Variants in HYCC1 observed in about 807,000 individuals in gnomAD.
The protein encoded by HYCC1 is hyccin.
At chr7:22,969,513 T>C in the HYCC1 span, among the ~76,000 whole-genome samples, 3 of 123,004 alleles carry the variant, frequency 2.4e-5, no homozygotes, top group Non-Finnish European at 5.1e-5. Context: ...AAAATTTGGG[T>C]GTTTTTTTTT....
the HYCC1 span, among the ~76,000 whole-genome samples, chr7:23,006,938 TTAACA>T: frequency 6.6e-6 from 1 of 152,224 alleles, no homozygotes; most frequent in East Asian, 1.9e-4. Flanking sequence ...TGTGGTACAC[TTAACA>T]TAACATTCTT....
the HYCC1 span, among the ~76,000 whole-genome samples, chr7:22,991,457 T>C: frequency 6.6e-6 from 1 of 152,088 alleles, no homozygotes; most frequent in African/African-American, 2.4e-5. Context: ...TCATTTATCT[T>C]AAAAGAAAGC....
chr7:22,993,369 T>C, the HYCC1 span, among the ~76,000 whole-genome samples: 1 of 152,096 alleles, frequency 6.6e-6, no homozygotes. Flanking sequence ...ACAAAAGCAC[T>C]AATCACAAGG....
chr7:22,907,104 CAAAAAAA>C, the HYCC1 span, among the ~76,000 whole-genome samples: 425 of 43,536 alleles, frequency 9.8e-3, 1 homozygote, highest in Admixed American at 0.018. Context: ...GACTCTATCT[CAAAAAAA>C]AAAAAAAAAA....
At chr7:22,956,111 C>T in the HYCC1 span, among the ~76,000 whole-genome samples, 62,432 of 151,220 alleles carry the variant, frequency 0.41, 12,869 homozygotes, top group East Asian at 0.5. Context: ...CTTTTTAAAG[C>T]TTATTTTATT....
the HYCC1 span, among the ~76,000 whole-genome samples, chr7:22,996,438 G>A: frequency 6.6e-6 from 1 of 151,520 alleles, no homozygotes; most frequent in East Asian, 1.9e-4. Flanking sequence ...GATTCAGGAG[G>A]TACATGTGCA....
chr7:22,925,519 G>T, the HYCC1 span, among the ~76,000 whole-genome samples: 34 of 152,308 alleles, frequency 2.2e-4, no homozygotes, highest in African/African-American at 7.9e-4. Context: ...CACGGCACGA[G>T]AACTACGTGA....
At chr7:22,968,322 A>G in the HYCC1 span, among the ~76,000 whole-genome samples, 1 of 152,094 alleles carries the variant, frequency 6.6e-6, no homozygotes, top group Non-Finnish European at 1.5e-5. Flanking sequence ...CTTTCTCCCC[A>G]CTTGCAGGAT....
At chr7:22,954,715 C>T in the HYCC1 span, among the ~76,000 whole-genome samples, 31 of 151,028 alleles carry the variant, frequency 2.1e-4, no homozygotes, top group Admixed American at 1.4e-3. Flanking sequence ...TATTTTGCAT[C>T]ATTAAGTTAG....
At chr7:22,982,803 T>C in the HYCC1 span, among the ~76,000 whole-genome samples, 2 of 151,730 alleles carry the variant, frequency 1.3e-5, no homozygotes, top group African/African-American at 4.8e-5. Flanking sequence ...CTGCTTAAGA[T>C]GGAATTTGAG....
chr7:22,896,195 G>A, the HYCC1 span, among the ~76,000 whole-genome samples: 1 of 152,166 alleles, frequency 6.6e-6, no homozygotes, highest in Non-Finnish European at 1.5e-5. Context: ...CACATAGCAA[G>A]CTAGGCTCCC....
the HYCC1 span, among the ~76,000 whole-genome samples, chr7:22,914,709 G>T: frequency 6.6e-6 from 1 of 151,778 alleles, no homozygotes; most frequent in Non-Finnish European, 1.5e-5. Flanking sequence ...TGTTCCTTCG[G>T]TCTCCACCTC....
At chr7:22,945,554 G>A in the HYCC1 span, 2 of 1,476,458 alleles carry the variant, frequency 1.4e-6, no homozygotes, top group South Asian at 2.3e-5. Context: ...GTATTTCCAG[G>A]TTCACTAGGT....
the HYCC1 span, among the ~76,000 whole-genome samples, chr7:22,919,141 TGA>T: frequency 2.0e-5 from 3 of 152,156 alleles, no homozygotes; most frequent in African/African-American, 7.2e-5. Flanking sequence ...AAATTGCATG[TGA>T]GAGGGGCTAG....
chr7:22,969,720 T>C, the HYCC1 span, among the ~76,000 whole-genome samples: 4 of 149,932 alleles, frequency 2.7e-5, no homozygotes, highest in African/African-American at 9.8e-5. Context: ...GGTGGGGTTT[T>C]GCCATGTTGG....
At chr7:22,925,119 G>A in the HYCC1 span, among the ~76,000 whole-genome samples, 1 of 152,196 alleles carries the variant, frequency 6.6e-6, no homozygotes, top group Non-Finnish European at 1.5e-5. Flanking sequence ...GCAGCTGAGG[G>A]TCCTGACTGT....
the HYCC1 span, among the ~76,000 whole-genome samples, chr7:22,910,004 T>C: frequency 6.6e-6 from 1 of 152,254 alleles, no homozygotes; most frequent in East Asian, 1.9e-4. Flanking sequence ...CATACGGACA[T>C]GACTGTTTGA....
chr7:22,977,630 A>G, the HYCC1 span, among the ~76,000 whole-genome samples: 1 of 152,326 alleles, frequency 6.6e-6, no homozygotes, highest in East Asian at 1.9e-4. Flanking sequence ...CATATGTAAC[A>G]AATTTTCAGG....
At chr7:22,945,892 G>C in the HYCC1 span, 1 of 1,613,764 alleles carries the variant, frequency 6.2e-7, no homozygotes, top group Admixed American at 1.7e-5. Flanking sequence ...TCTTCAAAGA[G>C]AGAAGCTCAA....
Sources: allele counts gnomAD v4.1 joint callset (sites outside exome capture counted in the v4.1 genomes callset), GRCh38; gene constraint gnomAD v4.1.1; transcripts MANE v1.5; gene names NCBI Gene and HGNC (gene_info 2026-07-23, HGNC 2026-07-21).